Variants in KSR2 observed in about 807,000 individuals in gnomAD.
KSR2 encodes kinase suppressor of ras 2.
KSR2 carries 25 observed loss-of-function variants against 107.8 expected under a neutral mutation model. The observed-to-expected ratio is 0.23, with a 90% confidence interval of 0.17 to 0.32. The LOEUF (loss-of-function observed/expected upper bound fraction) is 0.32. KSR2 is among the 10% of genes least tolerant of loss of function. KSR2 has a pLI of 1.00. For missense variants in KSR2, 887 were observed against 1,268.9 expected, an observed-to-expected ratio of 0.70 and a Z score of 4.57; for synonymous variants, 480 against 507.0, an observed-to-expected ratio of 0.95 and a Z score of 0.71.
At chr12:117,872,335 T>A (rs960308207) in intron 1 of KSR2, among the ~76,000 whole-genome samples, 2 of 152,120 alleles carry the variant, frequency 1.3e-5, no homozygotes, top group Admixed American at 6.6e-5. Flanking sequence ...AGGCTGAGGC[T>A]GGAGGATCGC....
intron 5 of KSR2, among the ~76,000 whole-genome samples, chr12:117,625,051 T>C (rs1238779585): frequency 6.6e-6 from 1 of 152,240 alleles, no homozygotes; most frequent in Admixed American, 6.5e-5. Context: ...TGCACGTTGA[T>C]TTTGTATCCT....
chr12:117,523,956 G>A (rs2137232798), intron 14 of KSR2, among the ~76,000 whole-genome samples: 1 of 152,276 alleles, frequency 6.6e-6, no homozygotes, highest in African/African-American at 2.4e-5. Flanking sequence ...TGGGCAAGAA[G>A]AGTGAAACTC....
chr12:117,786,319 A>AT (rs971624848), intron 3 of KSR2, among the ~76,000 whole-genome samples: 1 of 151,540 alleles, frequency 6.6e-6, no homozygotes, highest in Non-Finnish European at 1.5e-5. Flanking sequence ...CATATTTTTT[A>AT]TTTTTTTTAT....
At chr12:117,611,886 T>C (rs1375304246) in intron 5 of KSR2, among the ~76,000 whole-genome samples, 1 of 152,184 alleles carries the variant, frequency 6.6e-6, no homozygotes, top group South Asian at 2.1e-4. Context: ...TATTGTATGA[T>C]TCCACTCAAA....
intron 1 of KSR2, among the ~76,000 whole-genome samples, chr12:117,963,580 G>C (rs767850807): frequency 4.0e-5 from 6 of 151,712 alleles, no homozygotes; most frequent in Non-Finnish European, 7.4e-5. Flanking sequence ...TCCAGCCTGA[G>C]TTACAGAGTG....
intron 5 of KSR2, among the ~76,000 whole-genome samples, chr12:117,583,406 TGG>T (rs1879805625): frequency 4.2e-4 from 1 of 2,382 alleles, no homozygotes; most frequent in Non-Finnish European, 6.1e-4. Flanking sequence ...GGTGAGTGAG[TGG>T]ATGGATGGAT....
chr12:117,951,703 T>G (rs1896368743), intron 1 of KSR2, among the ~76,000 whole-genome samples: 1 of 152,168 alleles, frequency 6.6e-6, no homozygotes, highest in Non-Finnish European at 1.5e-5. Context: ...ATCTCTTGTC[T>G]CTACCTGCTA....
intron 1 of KSR2, among the ~76,000 whole-genome samples, chr12:117,900,199 G>A (rs568878690): frequency 1.3e-5 from 2 of 152,274 alleles, no homozygotes; most frequent in South Asian, 2.1e-4. Flanking sequence ...CTAATACAGA[G>A]GCCCTTGACT....
At chr12:117,913,843 A>G (rs1214449192) in intron 1 of KSR2, among the ~76,000 whole-genome samples, 1 of 151,970 alleles carries the variant, frequency 6.6e-6, no homozygotes, top group East Asian at 1.9e-4. Flanking sequence ...CTCTCCCCCA[A>G]GTTCTCCACG....
intron 5 of KSR2, among the ~76,000 whole-genome samples, chr12:117,655,819 A>C (rs1377324518): frequency 6.6e-6 from 1 of 152,158 alleles, no homozygotes; most frequent in Admixed American, 6.5e-5. Flanking sequence ...CCAGTCTGCT[A>C]CTCCACAATG....
At chr12:117,503,191 C>A (rs11068519) in intron 14 of KSR2, among the ~76,000 whole-genome samples, 27,857 of 152,014 alleles carry the variant, frequency 0.18, 2,718 homozygotes, top group East Asian at 0.43. Flanking sequence ...TTTTGATATT[C>A]TTTACCTATG....
chr12:117,682,426 T>A (rs1437607938), intron 4 of KSR2, among the ~76,000 whole-genome samples: 1 of 152,122 alleles, frequency 6.6e-6, no homozygotes, highest in Non-Finnish European at 1.5e-5. Context: ...TTTTTTTGTT[T>A]TTTTTTTTGA....
rs1555262347 is a variant in KSR2 at position 117,968,308 on chromosome 12, G to GGGT, written c.-54_-53insACC. ...CTCCTCCTCCCAGAGAGAAAAAAGAGGGGGGGGAGTAGAGGTAGTCTACCC... is the reference window on the plus strand; with the variant it reads ...CTCCTCCTCCCAGAGAGAAAAAAGAGGGTGGGGGGGAGTAGAGGTAGTCTACCC... On this transcript the variant is annotated 5_prime_UTR_variant, in exon 1 of 20. Coordinates refer to ENST00000339824, the MANE Select transcript of KSR2 (RefSeq NM_173598.6). 3.4e-6 allele frequency: 5 copies of GGGT among 1,453,218 alleles called. No individual in the cohort carries two copies. In the African/African-American group the frequency reaches 5.8e-5, roughly 17 times the overall value. 90.0% of individuals were successfully genotyped at this position (1,453,218 alleles called of 1,614,324 possible).
At chr12:117,649,451 A>G (rs1041185012) in intron 5 of KSR2, among the ~76,000 whole-genome samples, 5 of 152,256 alleles carry the variant, frequency 3.3e-5, no homozygotes, top group African/African-American at 1.2e-4. Flanking sequence ...ACCATACAAC[A>G]GTATCAACAA....
At chr12:117,628,496 C>T (rs1358892309) in intron 5 of KSR2, among the ~76,000 whole-genome samples, 1 of 152,216 alleles carries the variant, frequency 6.6e-6, no homozygotes, top group Non-Finnish European at 1.5e-5. Context: ...GAGTTCTACT[C>T]CAGACCCTGT....
At chr12:117,808,826 GC>G (rs1891096283) in intron 3 of KSR2, among the ~76,000 whole-genome samples, 1 of 152,108 alleles carries the variant, frequency 6.6e-6, no homozygotes, top group Non-Finnish European at 1.5e-5. Context: ...GACATTTCCA[GC>G]CTCCTTTGCA....
chr12:117,966,607 T>TCACACA (rs1202072461), intron 1 of KSR2, among the ~76,000 whole-genome samples: 2 of 113,880 alleles, frequency 1.8e-5, no homozygotes, highest in African/African-American at 7.4e-5. Flanking sequence ...TCTCTCTCTC[T>TCACACA]CTCTCACACG....
chr12:117,933,869 C>T lies in KSR2; in HGVS notation c.180+34207G>A, dbSNP rs118160224. ...GGGTGGCAGAGCTGGGACCCAGCAC[C>T]GTGCTCCAGTTCTCCATCCACTCAC... On this transcript the variant is annotated intron_variant, in intron 1 of 19. Coordinates refer to ENST00000339824, the MANE Select transcript of KSR2 (RefSeq NM_173598.6). Among the ~76,000 whole-genome samples the T allele has an allele frequency of 1.2e-4, 19 of 152,242 alleles. 1 individual carries two copies. The East Asian group carries it at 3.3e-3, about 26-fold the overall frequency.
chr12:117,939,412 T>C (rs913784932), intron 1 of KSR2, among the ~76,000 whole-genome samples: 1 of 152,110 alleles, frequency 6.6e-6, no homozygotes, highest in Non-Finnish European at 1.5e-5. Context: ...TTCTTTTGTA[T>C]AGATTTGAAA....
Sources: gnomAD v4.1 joint callset for allele counts (sites outside exome capture counted in the v4.1 genomes callset) on GRCh38, gnomAD v4.1.1 for gene constraint, MANE v1.5 for transcripts, NCBI Gene and HGNC (gene_info 2026-07-23, HGNC 2026-07-21) for gene names.